The following ITGA5 variants were observed in gnomAD, a reference collection of about 807,000 sequenced individuals.
ITGA5 encodes the protein integrin alpha-5.
Under a neutral mutation model 146.3 loss-of-function variants are expected in ITGA5, and 55 were observed. The observed-to-expected ratio is 0.38, with a 90% CI of 0.30 to 0.47. The LOEUF is 0.47. ITGA5 is among the 20% of genes least tolerant of loss of function. The probability of loss-of-function intolerance (pLI) is 0.99; values close to 1 mark genes in which losing one functional copy is unlikely to be tolerated. For missense variants in ITGA5, 1,131 were observed against 1,329.0 expected (o/e 0.85, Z 2.32); for synonymous variants, 500 against 531.8 (o/e 0.94, Z 0.82).
Position 54,409,214 on chromosome 12 carries a change from G to T in ITGA5, c.583+18C>A, listed in dbSNP as rs753012252. Reference sequence around the variant, plus strand: ...ATGAGAAGGCAGACATGGGGCACAGGCCCCCTCTTGCCCCTACCTGAGCGG... The same window carrying T: ...ATGAGAAGGCAGACATGGGGCACAGTCCCCCTCTTGCCCCTACCTGAGCGG... On this transcript the variant is annotated intron_variant, in intron 4 of 29. Transcript: ENST00000293379. The surrounding 1 kb of genome is among the most constrained non-coding windows in gnomAD (Gnocchi z 4.7). 6 of 1,599,880 alleles carry T rather than the reference G, an allele frequency of 3.8e-6. No individual in the cohort carries two copies. Among genetic ancestry groups the T allele is most frequent in the Non-Finnish European group, 5.1e-6 (6 of 1,174,384 alleles).
chr12:54,408,284 G>T, intron 6 of ITGA5, 49 bp from the exon 7 acceptor site: 1 of 1,603,892 alleles, frequency 6.2e-7, no homozygotes, highest in Non-Finnish European at 8.5e-7. Context: ...TGGCAGAGGG[G>T]GCTTGGGACT....
At chr12:54,402,511 A>T (rs1279373212) in intron 19 of ITGA5, among the ~76,000 whole-genome samples, 181 bp from the exon 20 acceptor site, 2 of 151,990 alleles carry the variant, frequency 1.3e-5, no homozygotes, top group Non-Finnish European at 2.9e-5. Context: ...CCTGGCCAAG[A>T]TGATGAAACC....
rs1470417998 is a variant in ITGA5, at chr12:54,396,265, A to T, written c.*28T>A. On this transcript the variant is annotated 3_prime_UTR_variant, in exon 30 of 30. Transcript: ENST00000293379. ...ATGAGGGTGGGGGGACTGGTTCTTC[A>T]GGAATGGGAGTCTGAAATTGGGAGG... The T allele has an allele frequency of 6.4e-7, 1 of 1,568,258 alleles. No individual in the cohort carries two copies. Among genetic ancestry groups the T allele is most frequent in the African/African-American group, 1.4e-5 (1 of 73,848 alleles).
At chr12:54,417,610 C>T (rs1195182207) in intron 1 of ITGA5, among the ~76,000 whole-genome samples, 1 of 152,106 alleles carries the variant, frequency 6.6e-6, no homozygotes, top group Non-Finnish European at 1.5e-5. Flanking sequence ...GTTGTATTAG[C>T]TAGATTAACC....
rs757221151 is a variant in ITGA5 at position 54,409,619 on chromosome 12, A to G, written c.350-22T>C. 1.3e-5 allele frequency: 20 copies of G among 1,520,448 alleles called. No homozygotes were observed. Among genetic ancestry groups the G allele is most frequent in the Non-Finnish European group, 1.8e-5 (20 of 1,101,644 alleles). 94.2% of individuals were successfully genotyped at this position (1,520,448 alleles called of 1,614,324 possible). On this transcript the variant is annotated intron_variant, in intron 2 of 29. Transcript: ENST00000293379. The surrounding 1 kb of genome is among the most constrained non-coding windows in gnomAD (Gnocchi z 4.7). ...GAGCCTTGTGGAAGTGAGAAGGGGG[A>G]GTCTTACTGAGCCATGGACATTTGA... is the stretch of plus-strand genomic sequence containing the variant.
At chr12:54,399,493 TA>T (rs970842340) in intron 27 of ITGA5, 151 bp downstream of exon 27, 2 of 628,270 alleles carry the variant, frequency 3.2e-6, no homozygotes, top group African/African-American at 1.8e-5. Flanking sequence ...GCCAAGGACA[TA>T]CAGCCTGGTC....
At chr12:54,404,506 G>A (rs747668781) in intron 13 of ITGA5, 31 bp from the exon 14 acceptor site, 2 of 1,612,946 alleles carry the variant, frequency 1.2e-6, no homozygotes, top group South Asian at 1.1e-5. Flanking sequence ...ACCTCTTACA[G>A]CAAGCCCCAG....
rs150793784 is a variant in ITGA5, at chr12:54,401,780, G to T, written c.2302C>A (p.Leu768Ile). 1.2e-6 allele frequency: 2 copies of T among 1,614,112 alleles called. No homozygotes were observed. Among genetic ancestry groups the T allele is most frequent in the Non-Finnish European group, 8.5e-7 (1 of 1,179,970 alleles). ...CTAGACACACTCACTCCCTACCTGAGGATCTGGAAGTCAAACTGGATGGTT... is the reference window on the plus strand; with the variant it reads ...CTAGACACACTCACTCCCTACCTGATGATCTGGAAGTCAAACTGGATGGTT... ...KKTIQFDFQILSKNLNNSQSD... is the reference protein window; with the variant it reads ...KKTIQFDFQIISKNLNNSQSD... The change falls in exon 22 of 30, where the codon CTC (leucine) becomes ATC (isoleucine). Residue 768 changes from leucine (L) to isoleucine (I), a missense_variant. Leu to Ile is a conservative substitution (Grantham distance 5). Coordinates refer to ENST00000293379, the MANE Select transcript of ITGA5 (RefSeq NM_002205.5). The surrounding 1 kb of genome is among the most constrained non-coding windows in gnomAD (Gnocchi z 5.0).
intron 7 of ITGA5, 97 bp from the exon 8 acceptor site, chr12:54,407,973 C>T (rs749320844): frequency 4.0e-6 from 6 of 1,513,940 alleles, no homozygotes; most frequent in Non-Finnish European, 5.4e-6. Context: ...ACTGGGCCTT[C>T]ATAGTCAGCA....
chr12:54,408,551 C>A (rs1955897625), intron 6 of ITGA5, among the ~76,000 whole-genome samples: 2 of 151,876 alleles, frequency 1.3e-5, no homozygotes, highest in Admixed American at 6.5e-5. Context: ...GATGGTGAAA[C>A]CCCTTCTCTA....
rs182390130 is a variant in ITGA5 at position 54,408,293 on chromosome 12, C to A, written c.692-58G>T. On this transcript the variant is annotated intron_variant, in intron 6 of 29. Coordinates refer to ENST00000293379, the MANE Select transcript of ITGA5 (RefSeq NM_002205.5). ...AGGAAGTGGCAGAGGGGGCTTGGGA[C>A]TCTGGGGGCTGACTGGGTAGTATTT... is the stretch of plus-strand genomic sequence containing the variant. 1.4e-3 allele frequency: 2,162 copies of A among 1,587,542 alleles called. 8 individuals carry two copies. The highest frequency in any genetic ancestry group is 1.4e-3 in the Non-Finnish European group (1,657 of 1,160,742).
intron 1 of ITGA5, among the ~76,000 whole-genome samples, chr12:54,417,465 G>A (rs1212612878): frequency 8.9e-6 from 1 of 112,754 alleles, no homozygotes; most frequent in South Asian, 3.2e-4. Context: ...TGGGGTTTGG[G>A]CAAAAGGCCA....
rs1271905510 is a variant in ITGA5 at position 54,404,767 on chromosome 12, G to A, written c.1353C>T (p.His451=). ...QVLQPLWAAS[H]TPDFFGSALR... ...GGGCAGAGCCAAAGAAGTCTGGGGT[G>A]TGGCTGGCTGCCCACAGGGGCTGCA... The change falls in exon 13 of 30, where the codon CAC becomes CAT. Residue 451 remains histidine (H), a synonymous_variant. Transcript: ENST00000293379. The A allele has an allele frequency of 1.9e-6, 3 of 1,614,018 alleles. No homozygotes were observed. Among genetic ancestry groups the A allele is most frequent in the East Asian group, 2.2e-5 (1 of 44,890 alleles).
chr12:54,405,801 A>T, intron 10 of ITGA5, 69 bp downstream of exon 10: 1 of 1,596,988 alleles, frequency 6.3e-7, no homozygotes, highest in Non-Finnish European at 8.6e-7. Context: ...TTGGGCTGAC[A>T]TTATTAGGTC....
chr12:54,405,040 T>C lies in ITGA5; in HGVS notation c.1225+126A>G, dbSNP rs1048112109. 5 of 1,205,398 alleles carry C rather than the reference T, an allele frequency of 4.1e-6. No individual in the cohort carries two copies. The African/African-American group carries it at 7.7e-5, about 18-fold the overall frequency. 74.7% of individuals were successfully genotyped at this position (1,205,398 alleles called of 1,614,324 possible). On this transcript the variant is annotated intron_variant, in intron 12 of 29. Coordinates refer to ENST00000293379, the MANE Select transcript of ITGA5 (RefSeq NM_002205.5). ...TCTTCAAATCCCAAGACCCAGACAG[T>C]GGGATTTTAACCCCTCGGGAAGTCG... is the stretch of plus-strand genomic sequence containing the variant.
chr12:54,398,817 C>G (rs2120466330), intron 27 of ITGA5, 119 bp from the exon 28 acceptor site: 2 of 410,532 alleles, frequency 4.9e-6, no homozygotes, highest in Non-Finnish European at 8.5e-6. Context: ...CTTCCTGAGT[C>G]TCTCTCTCTC....
chr12:54,397,387 A>T lies in ITGA5; in HGVS notation c.3044T>A (p.Leu1015Gln). The change falls in exon 29 of 30, where the codon CTA becomes CAA. Residue 1015 changes from leucine (L) to glutamine (Q), a missense_variant. This residue lies in a region of ITGA5 where 889 missense variants were observed against 1,021.5 expected (regional missense o/e 0.87). Coordinates refer to ENST00000293379, the MANE Select transcript of ITGA5 (RefSeq NM_002205.5). ...AILFGLLLLG[L>Q]LIYILYKLGF... Reference sequence around the variant, plus strand: ...GACCTTGTAGAGGATGTAGATGAGTAGACCTAGGAGCAGGAGGCCAAACAG... The same window carrying T: ...GACCTTGTAGAGGATGTAGATGAGTTGACCTAGGAGCAGGAGGCCAAACAG... The T allele has an allele frequency of 1.2e-6, 2 of 1,614,064 alleles. No homozygotes were observed. The highest frequency in any genetic ancestry group is 1.7e-6 in the Non-Finnish European group (2 of 1,179,980).
chr12:54,412,326 G>A, intron 1 of ITGA5: 1 of 171,058 alleles, frequency 5.8e-6, no homozygotes, highest in Non-Finnish European at 1.2e-5. Context: ...GAGATTAGAT[G>A]TATAGCTTCT....
chr12:54,401,355 T>C lies in ITGA5; in HGVS notation c.2493+18A>G, dbSNP rs1955781279. ...CCTTTCCCATCATTCATTCTGGCCCTGCCCCTTCCCCCCTTACCTCATAGA... is the reference window on the plus strand; with the variant it reads ...CCTTTCCCATCATTCATTCTGGCCCCGCCCCTTCCCCCCTTACCTCATAGA... On this transcript the variant is annotated intron_variant, in intron 24 of 29. Transcript: ENST00000293379. The surrounding 1 kb of genome is among the most constrained non-coding windows in gnomAD (Gnocchi z 5.0). 4.5e-6 allele frequency: 7 copies of C among 1,548,836 alleles called. No homozygotes were observed. In the East Asian group the frequency reaches 1.6e-4, roughly 35 times the overall value.
Sources: allele counts gnomAD v4.1 joint callset (sites outside exome capture counted in the v4.1 genomes callset), GRCh38; gene constraint gnomAD v4.1.1; regional missense constraint gnomAD v4.1.1; non-coding constraint Gnocchi (gnomAD v3.1); transcripts MANE v1.5; gene names NCBI Gene and HGNC (gene_info 2026-07-23, HGNC 2026-07-21).